MMP10: variants seen among roughly 807,000 people sequenced by gnomAD.
The protein encoded by MMP10 is matrix metallopeptidase 10.
MMP10 carries 50 observed loss-of-function variants against 49.1 expected under a neutral mutation model. That is an observed-to-expected ratio of 1.02 (90% CI 0.81 to 1.29). The LOEUF is 1.29. Ranked by LOEUF, MMP10 falls within the 50% of genes most tolerant of loss-of-function variation. The pLI is 0.00. For missense variants in MMP10, 613 were observed against 563.8 expected (o/e 1.09, Z -0.88); for synonymous variants, 229 against 201.6 (o/e 1.14, Z -1.15).
intron 4 of MMP10, among the ~76,000 whole-genome samples, chr11:102,777,306 T>G (rs1044775840): frequency 1.3e-5 from 2 of 152,150 alleles, no homozygotes; most frequent in Non-Finnish European, 2.9e-5. Flanking sequence ...AGTAATTTTT[T>G]TTTTTGAGAC....
In MMP10 at chr11:102,776,733, G is replaced by C. The variant is rs1218579169; in HGVS notation, c.666C>G (p.Ser222=). ...FLVAAHELGH[S]LGLFHSANTE... ...TGTTGGCTGAGTGAAAGAGCCCCAG[G>C]GAGTGGCCAAGTTCATGAGCAGCAA... The change falls in exon 5 of 10, where the codon TCC becomes TCG. Residue 222 remains serine (S), a synonymous_variant. Transcript: ENST00000279441. 4 of 1,613,984 alleles carry C rather than the reference G, an allele frequency of 2.5e-6. No individual in the cohort carries two copies. The highest frequency in any genetic ancestry group is 3.3e-5 in the Admixed American group (2 of 59,982).
chr11:102,780,029 A>C (rs560482246), intron 1 of MMP10, among the ~76,000 whole-genome samples: 35 of 152,340 alleles, frequency 2.3e-4, no homozygotes, highest in African/African-American at 7.9e-4. Context: ...AAAAGTTAGA[A>C]TACTAACCTT....
At chr11:102,780,466 A>G (rs1156356744) in intron 1 of MMP10, 21 bp downstream of exon 1, 1 of 1,608,604 alleles carries the variant, frequency 6.2e-7, no homozygotes, top group Admixed American at 1.7e-5. Flanking sequence ...AGTAGCTGCA[A>G]TAGATGCCAC....
intron 6 of MMP10, among the ~76,000 whole-genome samples, chr11:102,775,943 C>G (rs1047896811): frequency 1.3e-5 from 2 of 151,986 alleles, no homozygotes; most frequent in Non-Finnish European, 2.9e-5. Context: ...AGAATCATCC[C>G]TTATAAGTCT....
chr11:102,779,663 A>AT lies in MMP10; in HGVS notation c.187dup (p.Ile63AsnfsTer19), dbSNP rs746110396. Reference sequence around the variant, plus strand: ...CCCAAGGAACTTCTGCATTCCTTGGATTTTTTTAACAATGAGATTACTGTC... The same window carrying AT: ...CCCAAGGAACTTCTGCATTCCTTGGATTTTTTTTAACAATGAGATTACTGTC... On this transcript the variant is annotated frameshift_variant, in exon 2 of 10. Transcript: ENST00000279441. LOFTEE classifies it high-confidence loss of function. The AT allele has an allele frequency of 4.3e-5, 70 of 1,613,950 alleles. No homozygotes were observed. Among genetic ancestry groups the AT allele is most frequent in the South Asian group, 3.7e-4 (34 of 91,080 alleles).
chr11:102,773,241 T>C (rs1016734055), intron 7 of MMP10, among the ~76,000 whole-genome samples: 37 of 152,358 alleles, frequency 2.4e-4, no homozygotes, highest in African/African-American at 8.2e-4. Flanking sequence ...TTTGTATCTA[T>C]ATGTTATAGT....
In MMP10 at chr11:102,778,662, T is replaced by C. The variant is rs1263084849; in HGVS notation, c.584A>G (p.His195Arg). The change falls in exon 4 of 10, where the codon CAC becomes CGC. Residue 195 changes from histidine to arginine, a missense_variant. Physicochemically the swap from His to Arg is conservative, Grantham distance 29. Transcript: ENST00000279441. The part of the protein sequence containing the change: ...PPGPGLYGDI[H>R]FDDDEKWTED... ...TGTCCATTTTTCATCATCATCAAAG[T>C]GAATATCTCCATAAAGCCCAGGTCC... 6.2e-7 allele frequency: 1 copy of C among 1,613,822 alleles called. No individual in the cohort carries two copies. Among genetic ancestry groups the C allele is most frequent in the African/African-American group, 1.3e-5 (1 of 74,864 alleles).
rs1158058051 is a variant in MMP10 at position 102,772,355 on chromosome 11, A to G, written c.1227-240T>C. ...TTATGCCATTTTACAGAGGTTCCAT[A>G]CATATGTCTGAGGTAAATTTTCTAA... is the stretch of plus-strand genomic sequence containing the variant. On this transcript the variant is annotated intron_variant, in intron 8 of 9. Coordinates refer to ENST00000279441, the MANE Select transcript of MMP10 (RefSeq NM_002425.3). This position sits in a 1 kb window ranked among gnomAD's most constrained non-coding sequence, Gnocchi z 4.4. Among the ~76,000 whole-genome samples, 4 of 152,252 alleles carry G rather than the reference A, an allele frequency of 2.6e-5. No homozygotes were observed. The highest frequency in any genetic ancestry group is 7.2e-5 in the African/African-American group (3 of 41,476).
At chr11:102,778,416 A>G (rs1430591523) in intron 4 of MMP10, among the ~76,000 whole-genome samples, 2 of 152,198 alleles carry the variant, frequency 1.3e-5, no homozygotes, top group Non-Finnish European at 2.9e-5. Context: ...ACAATATTGT[A>G]CTTGGTGGGG....
intron 7 of MMP10, among the ~76,000 whole-genome samples, chr11:102,773,513 A>G (rs1861994243): frequency 2.6e-5 from 4 of 152,124 alleles, no homozygotes; most frequent in Admixed American, 6.5e-5. Flanking sequence ...ACTCTCCCAG[A>G]CCCCAAGCCT....
At chr11:102,773,757 C>T (rs1199888423) in intron 7 of MMP10, among the ~76,000 whole-genome samples, 3 of 152,310 alleles carry the variant, frequency 2.0e-5, no homozygotes, top group Non-Finnish European at 4.4e-5. Context: ...CATCACCTCC[C>T]CTAAGGGATC....
rs550409126 is a variant in MMP10 at position 102,775,872 on chromosome 11, A to T, written c.932+408T>A. ...GAAGTTCCATGATATATGATATTTT[A>T]AAAAAATGAACGAAACAGATATAAC... On this transcript the variant is annotated intron_variant, in intron 6 of 9. Coordinates refer to ENST00000279441, the MANE Select transcript of MMP10 (RefSeq NM_002425.3). 7.3e-5 allele frequency among the ~76,000 whole-genome samples: 11 copies of T among 150,216 alleles called. No individual in the cohort carries two copies. In the East Asian group the frequency reaches 7.7e-4, roughly 11 times the overall value.
chr11:102,779,557 G>T lies in MMP10; in HGVS notation c.294C>A (p.His98Gln), dbSNP rs150588971. The T allele has an allele frequency of 6.2e-7, 1 of 1,613,968 alleles. No homozygotes were observed. Among genetic ancestry groups the T allele is most frequent in the Non-Finnish European group, 8.5e-7 (1 of 1,180,034 alleles). ...TCGGCATGCCAGGAAAGGAGCTGAAGTGACCAACGTCAGGAACTCCACACC... is the reference window on the plus strand; with the variant it reads ...TCGGCATGCCAGGAAAGGAGCTGAATTGACCAACGTCAGGAACTCCACACC... ...KPRCGVPDVG[H>Q]FSSFPGMPKW... The change falls in exon 2 of 10, where the codon CAC becomes CAA. Residue 98 changes from histidine (H) to glutamine (Q), a missense_variant. Coordinates refer to ENST00000279441, the MANE Select transcript of MMP10 (RefSeq NM_002425.3).
Position 102,775,243 on chromosome 11 carries a change from T to C in MMP10, c.1011A>G (p.Ser337=), listed in dbSNP as rs1330913069. The C allele has an allele frequency of 1.9e-6, 3 of 1,610,230 alleles. No individual in the cohort carries two copies. The highest frequency in any genetic ancestry group is 4.5e-5 in the East Asian group (2 of 44,814). ...TAACTTCATATGCAGCATCCAAATA[T>C]GATGGAAGAGAGGGCCAAAATGCAG... ...LISAFWPSLP[S]YLDAAYEVNS... The change falls in exon 7 of 10, where the codon TCA becomes TCG. Residue 337 remains serine, a synonymous_variant. Coordinates refer to ENST00000279441, the MANE Select transcript of MMP10 (RefSeq NM_002425.3).
At chr11:102,775,973 A>G (rs1447330269) in intron 6 of MMP10, among the ~76,000 whole-genome samples, 3 of 152,096 alleles carry the variant, frequency 2.0e-5, no homozygotes, top group African/African-American at 7.2e-5. Context: ...GATCTGGACA[A>G]TTCTAAGAAG....
At chr11:102,771,943 G>T in intron 9 of MMP10, 69 bp downstream of exon 9, 3 of 968,300 alleles carry the variant, frequency 3.1e-6, no homozygotes, top group Non-Finnish European at 4.9e-6. Flanking sequence ...TTTTGATTCT[G>T]CACTTTATTT....
At position 102,779,612 on chromosome 11, in the gene MMP10, G is replaced by T. The variant is rs1857796798; in HGVS notation, c.239C>A (p.Thr80Asn). 6.2e-7 allele frequency: 1 copy of T among 1,614,070 alleles called. No individual in the cohort carries two copies. ...LGLEVTGKLD[T>N]DTLEVMRKPR... ...CTTGCGCATCACCTCCAGAGTGTCA[G>T]TGTCTAGCTTCCCTGTCACCTCCAA... Residue 80 changes from threonine to asparagine, a missense_variant, in exon 2 of 10, where the codon ACT becomes AAT. Coordinates refer to ENST00000279441, the MANE Select transcript of MMP10 (RefSeq NM_002425.3).
chr11:102,775,218 T>A lies in MMP10; in HGVS notation c.1036A>T (p.Asn346Tyr). ...PSYLDAAYEV[N>Y]SRDTVFIFKG... is the part of the protein sequence containing the mutation. ...AAAATAAAAACGGTGTCCCTGCTGT[T>A]AACTTCATATGCAGCATCCAAATAT... The change falls in exon 7 of 10, where the codon AAC becomes TAC. Residue 346 changes from asparagine to tyrosine, a missense_variant. By Grantham distance (143) the Asn-to-Tyr change is moderately radical. Transcript: ENST00000279441. 6.2e-7 allele frequency: 1 copy of A among 1,604,284 alleles called. No homozygotes were observed. Among genetic ancestry groups the A allele is most frequent in the Non-Finnish European group, 8.5e-7 (1 of 1,175,136 alleles).
chr11:102,778,990 C>T (rs574363378), intron 3 of MMP10, among the ~76,000 whole-genome samples: 28 of 152,304 alleles, frequency 1.8e-4, no homozygotes, highest in African/African-American at 6.7e-4. Flanking sequence ...TTGAGGGAAC[C>T]TCCTGGCCCT....
Sources: gnomAD v4.1 joint callset for allele counts (sites outside exome capture counted in the v4.1 genomes callset) on GRCh38, gnomAD v4.1.1 for gene constraint, Gnocchi (gnomAD v3.1) non-coding constraint, MANE v1.5 for transcripts, NCBI Gene and HGNC (gene_info 2026-07-23, HGNC 2026-07-21) for gene names.